Variants in NLGN2 observed in about 807,000 individuals in gnomAD.
NLGN2 encodes the protein neuroligin 2, also known as neuroligin-2.
In NLGN2, 11 loss-of-function variants were observed where a neutral mutation model predicts 48.6. The observed-to-expected ratio is 0.23, with a 90% CI of 0.14 to 0.37. The LOEUF (loss-of-function observed/expected upper bound fraction) is 0.37, where lower values mean the gene tolerates loss of function less well. Ranked by LOEUF, NLGN2 falls within the 10% of genes least tolerant of loss-of-function variation. NLGN2 has a pLI of 1.00. For synonymous variants in NLGN2, 548 were observed against 550.0 expected (o/e 1.00, Z 0.05); for missense variants, 801 against 1,225.2 (o/e 0.65, Z 5.17).
intron 5 of NLGN2, 37 bp from the exon 6 acceptor site, chr17:7,415,474 G>A (rs371772407): frequency 3.8e-6 from 6 of 1,583,398 alleles, no homozygotes; most frequent in Non-Finnish European, 5.2e-6. Flanking sequence ...GAGGAGGCCA[G>A]TGAGCAGGTG....
intron 1 of NLGN2, among the ~76,000 whole-genome samples, chr17:7,410,882 C>T (rs1214758051): frequency 3.3e-5 from 5 of 152,366 alleles, no homozygotes; most frequent in East Asian, 3.9e-4. Context: ...ACTTTGTCCC[C>T]ACCCCATCCT....
At chr17:7,410,322 A>G (rs1178121713) in intron 1 of NLGN2, among the ~76,000 whole-genome samples, 1 of 151,346 alleles carries the variant, frequency 6.6e-6, no homozygotes, top group Non-Finnish European at 1.5e-5. Context: ...CACAACCCAT[A>G]CACACAATGC....
At position 7,418,979 on chromosome 17, in the gene NLGN2, T is replaced by C. The variant is rs1353275623; in HGVS notation, c.*1180T>C. ...GGCAAGCAGGATACAGGGCGAGGGATGTGGCAGGTGAGGGGGCTCCCGCCT... is the reference window on the plus strand; with the variant it reads ...GGCAAGCAGGATACAGGGCGAGGGACGTGGCAGGTGAGGGGGCTCCCGCCT... On this transcript the variant is annotated 3_prime_UTR_variant, in exon 7 of 7. Transcript: ENST00000302926. The C allele has an allele frequency of 6.6e-6, 1 of 152,204 alleles. No individual in the cohort carries two copies. The highest frequency in any genetic ancestry group is 1.5e-5 in the Non-Finnish European group (1 of 68,022). 9.4% of individuals were successfully genotyped at this position (152,204 alleles called of 1,614,324 possible).
In NLGN2 at chr17:7,417,530, C is replaced by A; in HGVS notation, c.2239C>A (p.Leu747Met). Residue 747 changes from leucine (L) to methionine (M), a missense_variant, in exon 7 of 7, where the codon CTG (leucine) becomes ATG (methionine). Physicochemically the swap from Leu to Met is conservative, Grantham distance 15. Transcript: ENST00000302926. ...PPEEELVSLQ[L>M]KRGGGVGADP... ...AGAGGAGGAGCTGGTGTCACTGCAG[C>A]TGAAGCGGGGTGGTGGCGTCGGGGC... 1 of 1,486,836 alleles carries A rather than the reference C, an allele frequency of 6.7e-7. No individual in the cohort carries two copies. The highest frequency in any genetic ancestry group is 8.9e-7 in the Non-Finnish European group (1 of 1,122,502). 92.1% of individuals were successfully genotyped at this position (1,486,836 alleles called of 1,614,324 possible). A position where few individuals can be genotyped will look rare whatever the true frequency, so the allele number is the denominator to read the frequency against.
At chr17:7,406,959 C>T (rs1447814925), upstream of NLGN2, among the ~76,000 whole-genome samples, 1 of 152,130 alleles carries the variant, frequency 6.6e-6, no homozygotes, top group East Asian at 1.9e-4. Context: ...ACCTCAGCAC[C>T]CCCTCTCCCA....
chr17:7,412,021 G>A, intron 1 of NLGN2, 136 bp from the exon 2 acceptor site: 1 of 506,680 alleles, frequency 2.0e-6, no homozygotes, highest in East Asian at 4.0e-5. Context: ...GCTTTTTTTT[G>A]GCTTCTTTTT....
chr17:7,415,178 C>A, intron 5 of NLGN2, 30 bp downstream of exon 5: 2 of 1,558,624 alleles, frequency 1.3e-6, no homozygotes, highest in Non-Finnish European at 1.7e-6. Context: ...TGGGTCCAGG[C>A]CTTCAAGGTT....
chr17:7,411,660 TGTG>T lies in NLGN2; in HGVS notation c.458-495_458-493del, dbSNP rs906877875. Among the ~76,000 whole-genome samples the T allele has an allele frequency of 7.2e-5, 11 of 152,134 alleles. No individual in the cohort carries two copies. The highest frequency in any genetic ancestry group is 2.7e-4 in the African/African-American group (11 of 41,418). ...CGGCAGTCTCTCCTCCCTACAGCCT[TGTG>T]GGGGGCGGCAGGCAGGTGCTTCGCT... On this transcript the variant is annotated intron_variant, in intron 1 of 6. Transcript: ENST00000302926. This position sits in a 1 kb window ranked among gnomAD's most constrained non-coding sequence, Gnocchi z 4.5.
chr17:7,415,147 C>G lies in NLGN2; in HGVS notation c.1036C>G (p.Arg346Gly). 1 of 1,592,574 alleles carries G rather than the reference C, an allele frequency of 6.3e-7. No homozygotes were observed. Among genetic ancestry groups the G allele is most frequent in the Non-Finnish European group, 8.6e-7 (1 of 1,169,296 alleles). Residue 346 changes from arginine (R) to glycine (G), a missense_variant and splice_region_variant, in exon 5 of 7, where the codon CGC becomes GGC. Transcript: ENST00000302926. The stretch of plus-strand genomic sequence containing the variant: ...GGTGGACCAGGACGTGCAGCCTGCC[C>G]GGTATGGGGTGGGAGAGGGCTGGGT... ...ELVDQDVQPA[R>G]YHIAFGPVVD...
chr17:7,417,565 C>G lies in NLGN2; in HGVS notation c.2274C>G (p.Ala758=). The change falls in exon 7 of 7, where the codon GCC becomes GCG. Residue 758 remains alanine, a synonymous_variant. Transcript: ENST00000302926. ...KRGGGVGADP[A]EALRPACPPD... The stretch of plus-strand genomic sequence containing the variant: ...GTGGTGGCGTCGGGGCGGACCCTGC[C>G]GAGGCTCTGCGCCCTGCCTGCCCGC... 2.8e-6 allele frequency: 4 copies of G among 1,443,708 alleles called. No homozygotes were observed. Among genetic ancestry groups the G allele is most frequent in the Non-Finnish European group, 3.6e-6 (4 of 1,105,026 alleles). The allele number at this position is 1,443,708 out of a possible 1,614,324, so 89.4% of individuals were successfully genotyped here. A position where few individuals can be genotyped will look rare whatever the true frequency, so the allele number is the denominator to read the frequency against.
chr17:7,409,420 C>T (rs755669140), intron 1 of NLGN2, among the ~76,000 whole-genome samples: 3 of 152,040 alleles, frequency 2.0e-5, no homozygotes, highest in Non-Finnish European at 4.4e-5. Context: ...GCTCATAGCC[C>T]CTGGCACATT....
chr17:7,416,562 A>G (rs1417679336), intron 6 of NLGN2, among the ~76,000 whole-genome samples: 1 of 151,938 alleles, frequency 6.6e-6, no homozygotes, highest in Non-Finnish European at 1.5e-5. Flanking sequence ...GGCTGATTTC[A>G]GCCTGGCTGT....
rs1476999315 is a variant in NLGN2 at position 7,417,552 on chromosome 17, G to A, written c.2261G>A (p.Gly754Glu). Residue 754 changes from glycine to glutamate, a missense_variant, in exon 7 of 7, where the codon GGG (glycine) becomes GAG (glutamate). By Grantham distance (98) the Gly-to-Glu change is moderately conservative. Around this residue, in one of 5 missense-constraint regions of NLGN2, gnomAD observed 276 missense variants for 313.9 expected, o/e 0.88. Transcript: ENST00000302926. ...CAGCTGAAGCGGGGTGGTGGCGTCG[G>A]GGCGGACCCTGCCGAGGCTCTGCGC... is the stretch of plus-strand genomic sequence containing the variant. ...SLQLKRGGGV[G>E]ADPAEALRPA... The A allele has an allele frequency of 3.4e-6, 5 of 1,458,246 alleles. No individual in the cohort carries two copies. Among genetic ancestry groups the A allele is most frequent in the Admixed American group, 2.5e-5 (1 of 40,226 alleles). 90.3% of individuals were successfully genotyped at this position (1,458,246 alleles called of 1,614,324 possible). A position where few individuals can be genotyped will look rare whatever the true frequency, so the allele number is the denominator to read the frequency against.
In NLGN2 at chr17:7,418,450, A is replaced by C. The variant is rs1002776235; in HGVS notation, c.*651A>C. The stretch of plus-strand genomic sequence containing the variant: ...TCTGCCGGGGAGGCCCTCACCTTCC[A>C]GAGAGGACAGACACAGATTTCCTGC... On this transcript the variant is annotated 3_prime_UTR_variant, in exon 7 of 7. Transcript: ENST00000302926. 2 of 152,112 alleles carry C rather than the reference A, an allele frequency of 1.3e-5. No homozygotes were observed. Among genetic ancestry groups the C allele is most frequent in the Non-Finnish European group, 2.9e-5 (2 of 68,056 alleles). 9.4% of individuals were successfully genotyped at this position (152,112 alleles called of 1,614,324 possible). A position where few individuals can be genotyped will look rare whatever the true frequency, so the allele number is the denominator to read the frequency against.
chr17:7,415,119 G>A lies in NLGN2; in HGVS notation c.1008G>A (p.Glu336=), dbSNP rs1907050643. ...VECLRRKPSR[E]LVDQDVQPAR... ...GTCTGCGCCGGAAGCCCTCCCGGGA[G>A]CTGGTGGACCAGGACGTGCAGCCTG... Residue 336 remains glutamate (E), a synonymous_variant, in exon 5 of 7, where the codon GAG becomes GAA. Coordinates refer to ENST00000302926, the MANE Select transcript of NLGN2 (RefSeq NM_020795.4). 1.9e-6 allele frequency: 3 copies of A among 1,605,814 alleles called. No individual in the cohort carries two copies. The highest frequency in any genetic ancestry group is 1.3e-5 in the African/African-American group (1 of 74,852).
intron 2 of NLGN2, 43 bp from the exon 3 acceptor site, chr17:7,414,301 G>C (rs1907007885): frequency 1.0e-5 from 16 of 1,554,046 alleles, no homozygotes; most frequent in Non-Finnish European, 1.4e-5. Flanking sequence ...CTGTGTCCTT[G>C]TCCCTGACCC....
In NLGN2 at chr17:7,415,138, C is replaced by T; in HGVS notation, c.1027C>T (p.Gln343Ter). The change falls in exon 5 of 7, where the codon CAG becomes TAG. Residue 343 changes from glutamine (Q) to a stop codon, truncating the protein, a stop_gained. Coordinates refer to ENST00000302926, the MANE Select transcript of NLGN2 (RefSeq NM_020795.4). LOFTEE classifies it high-confidence loss of function. ...PSRELVDQDV[Q>*]PARYHIAFGP... ...CCGGGAGCTGGTGGACCAGGACGTG[C>T]AGCCTGCCCGGTATGGGGTGGGAGA... 1 of 1,598,024 alleles carries T rather than the reference C, an allele frequency of 6.3e-7. No individual in the cohort carries two copies.
At position 7,407,990 on chromosome 17, in the gene NLGN2, C is replaced by A; in HGVS notation, c.-266C>A. ...TCTGTCTGTATCCTGCCTCCCTGCCCCTCTCGCTCCACCCCCCGCAGGTCG... is the reference window on the plus strand; with the variant it reads ...TCTGTCTGTATCCTGCCTCCCTGCCACTCTCGCTCCACCCCCCGCAGGTCG... On this transcript the variant is annotated 5_prime_UTR_variant, in exon 1 of 7. Transcript: ENST00000302926. 1 of 330,864 alleles carries A rather than the reference C, an allele frequency of 3.0e-6. No homozygotes were observed. Among genetic ancestry groups the A allele is most frequent in the Non-Finnish European group, 5.5e-6 (1 of 182,900 alleles). The allele number at this position is 330,864 out of a possible 1,614,324, so 20.5% of individuals were successfully genotyped here. A position where few individuals can be genotyped will look rare whatever the true frequency, so the allele number is the denominator to read the frequency against.
At chr17:7,416,209 C>T (rs886839314) in intron 6 of NLGN2, 102 bp downstream of exon 6, 39 of 916,782 alleles carry the variant, frequency 4.3e-5, no homozygotes, top group East Asian at 1.3e-4. Context: ...CCCTCTTGCT[C>T]GAGTGAAACC....
Sources: allele counts gnomAD v4.1 joint callset (sites outside exome capture counted in the v4.1 genomes callset), GRCh38; gene constraint gnomAD v4.1.1; regional missense constraint gnomAD v4.1.1; non-coding constraint Gnocchi (gnomAD v3.1); transcripts MANE v1.5; gene names NCBI Gene and HGNC (gene_info 2026-07-23, HGNC 2026-07-21).